GALNT18: variants seen among roughly 807,000 people sequenced by gnomAD.
GALNT18 encodes GalNAc-transferase 18.
A neutral mutation model predicts 69.5 loss-of-function variants in GALNT18; 44 were observed. The observed-to-expected ratio is 0.63, with a 90% CI of 0.50 to 0.81. The LOEUF (loss-of-function observed/expected upper bound fraction) is 0.81, where lower values mean the gene tolerates loss of function less well. GALNT18 is among the 40% of genes least tolerant of loss of function. The probability of loss-of-function intolerance (pLI) is 0.00; values close to 1 mark genes in which losing one functional copy is unlikely to be tolerated. For synonymous variants in GALNT18, 364 were observed against 318.2 expected, an observed-to-expected ratio of 1.14 and a Z score of -1.53; for missense variants, 715 against 810.0, an observed-to-expected ratio of 0.88 and a Z score of 1.42.
Position 11,307,942 on chromosome 11 carries a change from T to G in GALNT18, c.1513-14749A>C, listed in dbSNP as rs549494358. ...GACAGAGTTTTGGAAGTGGGCGCTT[T>G]GTCCTGAGCACAAAAGCTGGGGGCC... is the stretch of plus-strand genomic sequence containing the variant. On this transcript the variant is annotated intron_variant, in intron 9 of 10. Transcript: ENST00000227756. 1.3e-4 allele frequency among the ~76,000 whole-genome samples: 20 copies of G among 152,340 alleles called. No homozygotes were observed. The South Asian group carries it at 4.1e-3, about 32-fold the overall frequency.
chr11:11,551,105 C>A (rs918010984), intron 1 of GALNT18, among the ~76,000 whole-genome samples: 1 of 147,600 alleles, frequency 6.8e-6, no homozygotes, highest in African/African-American at 2.5e-5. Flanking sequence ...AAAAAAAAGC[C>A]CAGAAGAAAA....
In GALNT18 at chr11:11,389,785, G is replaced by A. The variant is rs369833323; in HGVS notation, c.596-10521C>T. Among the ~76,000 whole-genome samples, 97 of 152,236 alleles carry A rather than the reference G, an allele frequency of 6.4e-4. No individual in the cohort carries two copies. The highest frequency in any genetic ancestry group is 2.1e-3 in the African/African-American group (89 of 41,542). Reference sequence around the variant, plus strand: ...AGAGCTGAGAACAAGCTGTGTGGACGTCCCACTGTGCAAAGGGAATTCCAG... The same window carrying A: ...AGAGCTGAGAACAAGCTGTGTGGACATCCCACTGTGCAAAGGGAATTCCAG... On this transcript the variant is annotated intron_variant, in intron 3 of 10. Transcript: ENST00000227756. The surrounding 1 kb of genome is among the most constrained non-coding windows in gnomAD (Gnocchi z 4.3).
intron 10 of GALNT18, among the ~76,000 whole-genome samples, chr11:11,290,040 C>T (rs1366158100): frequency 6.6e-6 from 1 of 152,170 alleles, no homozygotes; most frequent in African/African-American, 2.4e-5. Flanking sequence ...GGGCTGTGGC[C>T]TCCAGGGGCT....
At chr11:11,308,422 C>T (rs982955622) in intron 9 of GALNT18, among the ~76,000 whole-genome samples, 5 of 152,124 alleles carry the variant, frequency 3.3e-5, no homozygotes, top group African/African-American at 4.8e-5. Flanking sequence ...TGTGCTTCGT[C>T]CCCAGTTGAC....
At chr11:11,547,542 C>T (rs982449199) in intron 1 of GALNT18, among the ~76,000 whole-genome samples, 3 of 152,126 alleles carry the variant, frequency 2.0e-5, no homozygotes, top group Admixed American at 1.3e-4. Flanking sequence ...AAGGCAGCCC[C>T]GGTCATCCAG....
At chr11:11,488,153 A>C (rs1856683903) in intron 1 of GALNT18, among the ~76,000 whole-genome samples, 1 of 152,234 alleles carries the variant, frequency 6.6e-6, no homozygotes, top group South Asian at 2.1e-4. Context: ...AAACTTAGTG[A>C]TGTAAATGAC....
intron 9 of GALNT18, among the ~76,000 whole-genome samples, chr11:11,294,306 G>A (rs1454905604): frequency 6.6e-6 from 1 of 152,310 alleles, no homozygotes; most frequent in East Asian, 1.9e-4. Flanking sequence ...CGCAGCACCA[G>A]GGTTTTTTAC....
At position 11,314,910 on chromosome 11, in the gene GALNT18, T is replaced by C. The variant is rs1048318446; in HGVS notation, c.1512+12176A>G. On this transcript the variant is annotated intron_variant, in intron 9 of 10. Coordinates refer to ENST00000227756, the MANE Select transcript of GALNT18 (RefSeq NM_198516.3). The surrounding 1 kb of genome is among the most constrained non-coding windows in gnomAD (Gnocchi z 5.2). ...GACTTATGGCCTACACACTCAACTA[T>C]TGGTGGTGGGGCCTAGGGATATCTT... is the stretch of plus-strand genomic sequence containing the variant. 1.3e-5 allele frequency among the ~76,000 whole-genome samples: 2 copies of C among 152,126 alleles called. No individual in the cohort carries two copies. The highest frequency in any genetic ancestry group is 4.8e-5 in the African/African-American group (2 of 41,416).
At chr11:11,458,767 T>C (rs1304667968) in intron 1 of GALNT18, among the ~76,000 whole-genome samples, 2 of 152,268 alleles carry the variant, frequency 1.3e-5, no homozygotes. Flanking sequence ...CTTCACGGCC[T>C]GTGGGCCTGA....
intron 1 of GALNT18, among the ~76,000 whole-genome samples, chr11:11,557,625 T>C (rs1314721910): frequency 6.6e-6 from 1 of 152,194 alleles, no homozygotes; most frequent in African/African-American, 2.4e-5. Flanking sequence ...CAGAACGCTG[T>C]GTGGCACACG....
chr11:11,388,019 C>A (rs776187154), intron 3 of GALNT18, among the ~76,000 whole-genome samples: 1 of 152,224 alleles, frequency 6.6e-6, no homozygotes, highest in African/African-American at 2.4e-5. Flanking sequence ...TCTTCAAAGT[C>A]GATTGATACT....
intron 10 of GALNT18, among the ~76,000 whole-genome samples, chr11:11,288,793 T>G (rs1404444350): frequency 6.6e-6 from 1 of 152,192 alleles, no homozygotes; most frequent in Non-Finnish European, 1.5e-5. Flanking sequence ...ATGTATTTTA[T>G]TTGTTAAGCA....
chr11:11,525,710 C>T lies in GALNT18; in HGVS notation c.236-76774G>A, dbSNP rs1165032094. 4.7e-5 allele frequency among the ~76,000 whole-genome samples: 7 copies of T among 149,006 alleles called. No individual in the cohort carries two copies. In the East Asian group the frequency reaches 1.4e-3, roughly 30 times the overall value. On this transcript the variant is annotated intron_variant, in intron 1 of 10. Coordinates refer to ENST00000227756, the MANE Select transcript of GALNT18 (RefSeq NM_198516.3). ...AGTTCAATGACACTATCTCAGCTCA[C>T]CACAACCTCCACCTGCTGGGTTCAA...
At chr11:11,539,991 G>T (rs942757225) in intron 1 of GALNT18, among the ~76,000 whole-genome samples, 17 of 152,320 alleles carry the variant, frequency 1.1e-4, no homozygotes, top group Middle Eastern at 3.4e-3. Context: ...GTACCAATGG[G>T]AAATGAGGGG....
intron 1 of GALNT18, among the ~76,000 whole-genome samples, chr11:11,516,677 G>A (rs570206653): frequency 6.6e-6 from 1 of 152,126 alleles, no homozygotes; most frequent in Non-Finnish European, 1.5e-5. Flanking sequence ...ACCCCTCAGA[G>A]TCTGCCTTTC....
In GALNT18 at chr11:11,591,176, G is replaced by GTGTT. The variant is rs1859351232; in HGVS notation, c.235+30182_235+30183insAACA. On this transcript the variant is annotated intron_variant, in intron 1 of 10. Coordinates refer to ENST00000227756, the MANE Select transcript of GALNT18 (RefSeq NM_198516.3). The surrounding 1 kb of genome is among the most constrained non-coding windows in gnomAD (Gnocchi z 4.8). ...TAGGCTACCGTGTGTGTGTGTGTGT[G>GTGTT]TGTGTGTGTTAGTTTTTAAGCCTTT... is the stretch of plus-strand genomic sequence containing the variant. Among the ~76,000 whole-genome samples, 1 of 151,866 alleles carries GTGTT rather than the reference G, an allele frequency of 6.6e-6. No homozygotes were observed. The highest frequency in any genetic ancestry group is 1.5e-5 in the Non-Finnish European group (1 of 67,968).
At chr11:11,277,857 T>A (rs1351463884) in intron 10 of GALNT18, among the ~76,000 whole-genome samples, 1 of 152,196 alleles carries the variant, frequency 6.6e-6, no homozygotes, top group Non-Finnish European at 1.5e-5. Flanking sequence ...TGCACTGTGG[T>A]CTGAGAGACT....
At position 11,338,877 on chromosome 11, in the gene GALNT18, G is replaced by A. The variant is rs142902662; in HGVS notation, c.1278+1942C>T. ...GCCCTTGAAGAGTTAGGAATAAATG[G>A]AGAGAGATAAGATTCCAGGGTGTGG... On this transcript the variant is annotated intron_variant, in intron 7 of 10. Transcript: ENST00000227756. This position sits in a 1 kb window ranked among gnomAD's most constrained non-coding sequence, Gnocchi z 5.3. 0.011 allele frequency among the ~76,000 whole-genome samples: 1,634 copies of A among 152,226 alleles called. 14 individuals carry two copies. The highest frequency in any genetic ancestry group is 0.043 in the South Asian group (207 of 4,816).
rs754716473 is a variant in GALNT18, at chr11:11,271,186, C to T, written c.1782G>A (p.Gln594=). Residue 594 remains glutamine (Q), a synonymous_variant, in exon 11 of 11, where the codon CAG becomes CAA. Coordinates refer to ENST00000227756, the MANE Select transcript of GALNT18 (RefSeq NM_198516.3). The part of the protein sequence containing the change: ...FQLVLQKCSG[Q]HWSITNVLRS... Reference sequence around the variant, plus strand: ...TCAGGACGTTGGTGATGCTCCAGTGCTGGCCCGAGCACTTCTGCAACACCA... The same window carrying T: ...TCAGGACGTTGGTGATGCTCCAGTGTTGGCCCGAGCACTTCTGCAACACCA... 8 of 1,613,980 alleles carry T rather than the reference C, an allele frequency of 5.0e-6. No homozygotes were observed. Among genetic ancestry groups the T allele is most frequent in the African/African-American group, 4.0e-5 (3 of 74,918 alleles).
Sources: gnomAD v4.1 joint callset for allele counts (sites outside exome capture counted in the v4.1 genomes callset) on GRCh38, gnomAD v4.1.1 for gene constraint, Gnocchi (gnomAD v3.1) non-coding constraint, MANE v1.5 for transcripts, NCBI Gene and HGNC (gene_info 2026-07-23, HGNC 2026-07-21) for gene names.